The following GPR19 variants were observed in gnomAD, a reference collection of about 807,000 sequenced individuals.
GPR19 encodes the protein probable G protein-coupled receptor 19.
A neutral mutation model predicts 28.5 loss-of-function variants in GPR19; 14 were observed. The observed-to-expected ratio is 0.49, with a 90% CI of 0.32 to 0.77. The LOEUF (loss-of-function observed/expected upper bound fraction) is 0.77. Ranked by LOEUF, GPR19 falls within the 30% of genes least tolerant of loss-of-function variation. The pLI is 0.03. For missense variants in GPR19, 409 were observed against 504.1 expected, an observed-to-expected ratio of 0.81 and a Z score of 1.81; for synonymous variants, 173 against 184.1, an observed-to-expected ratio of 0.94 and a Z score of 0.49.
chr12:12,697,848 T>C (rs1311675419), upstream of GPR19, among the ~76,000 whole-genome samples: 3 of 152,120 alleles, frequency 2.0e-5, no homozygotes, highest in Non-Finnish European at 4.4e-5. Flanking sequence ...AAATGAGAAG[T>C]AACTTTAAAA....
intron 2 of GPR19, among the ~76,000 whole-genome samples, chr12:12,687,995 GT>G (rs1946119501): frequency 1.3e-5 from 2 of 152,178 alleles, no homozygotes; most frequent in South Asian, 4.1e-4. Flanking sequence ...AAAAATGCTA[GT>G]TAATAAATAC....
intron 3 of GPR19, among the ~76,000 whole-genome samples, chr12:12,669,458 G>A (rs917950368): frequency 1.3e-5 from 2 of 152,146 alleles, no homozygotes; most frequent in Admixed American, 6.5e-5. Flanking sequence ...GAAATACCAC[G>A]GTACGGAGAT....
chr12:12,708,246 A>G, the GPR19 span, among the ~76,000 whole-genome samples: 5 of 151,224 alleles, frequency 3.3e-5, no homozygotes, highest in African/African-American at 1.2e-4. Flanking sequence ...CCATCCTCCC[A>G]CCTCGGCCTA....
At chr12:12,711,925 T>C in the GPR19 span, among the ~76,000 whole-genome samples, 1 of 152,236 alleles carries the variant, frequency 6.6e-6, no homozygotes, top group Non-Finnish European at 1.5e-5. Flanking sequence ...AAATCCATTG[T>C]ATCTGTTGAT....
the GPR19 span, chr12:12,716,642 C>A: frequency 2.1e-5 from 9 of 424,750 alleles, no homozygotes; most frequent in South Asian, 9.9e-5. Context: ...GAGTTCCTTT[C>A]TTATTTTCAT....
At position 12,662,115 on chromosome 12, in the gene GPR19, G is replaced by A. The variant is rs201940789; in HGVS notation, c.334C>T (p.Leu112Phe). The A allele has an allele frequency of 1.9e-6, 3 of 1,614,160 alleles. No homozygotes were observed. The highest frequency in any genetic ancestry group is 2.2e-5 in the East Asian group (1 of 44,884). Residue 112 changes from leucine (L) to phenylalanine (F), a missense_variant, in exon 4 of 4, where the codon CTT (leucine) becomes TTT (phenylalanine). Leu to Phe is a conservative substitution (Grantham distance 22, BLOSUM62 0). Transcript: ENST00000651487. ...YFVVSMACAD[L>F]LISVASTPFV... is the part of the protein sequence containing the mutation. ...GGCGTGCTGGCAACGCTGATGAGAA[G>A]GTCAGCACATGCCATGGAGACCACA...
the GPR19 span, among the ~76,000 whole-genome samples, chr12:12,708,543 A>G: frequency 1.3e-5 from 2 of 152,218 alleles, no homozygotes; most frequent in Admixed American, 1.3e-4. Flanking sequence ...AAACCTATCC[A>G]GTCACTGCAT....
At chr12:12,716,044 G>T in the GPR19 span, among the ~76,000 whole-genome samples, 1 of 152,198 alleles carries the variant, frequency 6.6e-6, no homozygotes, top group Non-Finnish European at 1.5e-5. Flanking sequence ...CAAGATGATG[G>T]GTACCGGGCA....
chr12:12,702,707 C>T, the GPR19 span, among the ~76,000 whole-genome samples: 17 of 152,168 alleles, frequency 1.1e-4, no homozygotes, highest in Non-Finnish European at 1.8e-4. Context: ...AAATCTAAAA[C>T]ATCATAGTCA....
intron 3 of GPR19, among the ~76,000 whole-genome samples, chr12:12,678,227 C>G (rs1945964162): frequency 6.6e-6 from 1 of 151,834 alleles, no homozygotes; most frequent in South Asian, 2.1e-4. Flanking sequence ...TAATTCCAAC[C>G]CTTTAATCTC....
At chr12:12,703,264 C>T in the GPR19 span, 2 of 414,082 alleles carry the variant, frequency 4.8e-6, no homozygotes, top group Non-Finnish European at 6.5e-6. Flanking sequence ...GGATCTATTA[C>T]CTAATTTCAA....
intron 1 of GPR19, 50 bp from the exon 2 acceptor site, chr12:12,695,561 C>CAAAT (rs1946249230): frequency 1.3e-5 from 2 of 152,306 alleles, no homozygotes; most frequent in South Asian, 4.1e-4. Flanking sequence ...AGACAGTTCC[C>CAAAT]AAATTCCTGA....
upstream of GPR19, among the ~76,000 whole-genome samples, chr12:12,696,661 C>A (rs908612077): frequency 6.6e-6 from 1 of 152,242 alleles, no homozygotes; most frequent in Admixed American, 6.5e-5. Flanking sequence ...TGGCGGCTAC[C>A]CAGGTTACCG....
intron 3 of GPR19, 92 bp from the exon 4 acceptor site, chr12:12,662,562 T>A (rs1416050535): frequency 1.1e-6 from 1 of 936,810 alleles, no homozygotes; most frequent in African/African-American, 1.6e-5. Context: ...TATTTGACAT[T>A]TACATTGATT....
At position 12,678,305 on chromosome 12, in the gene GPR19, A is replaced by T. The variant is rs16908324; in HGVS notation, c.-23+6046T>A. On this transcript the variant is annotated intron_variant, in intron 3 of 3. Transcript: ENST00000651487. The stretch of plus-strand genomic sequence containing the variant: ...CCCTTAAATTTATTCCAATTAATTT[A>T]AAAAAACCAATGATTATTTATTAGT... Among the ~76,000 whole-genome samples, 771 of 150,626 alleles carry T rather than the reference A, an allele frequency of 5.1e-3. 5 individuals carry two copies. Among genetic ancestry groups the T allele is most frequent in the African/African-American group, 0.017 (694 of 41,242 alleles).
chr12:12,681,643 G>A (rs759816575), intron 3 of GPR19, among the ~76,000 whole-genome samples: 6 of 152,208 alleles, frequency 3.9e-5, no homozygotes, highest in Non-Finnish European at 7.3e-5. Flanking sequence ...TTCCGTCAGG[G>A]CTGTTGTCTG....
rs77818894 is a variant in GPR19, at chr12:12,695,901, G to A, written c.-233+164C>T. ...CACACTCACATCCTCTTGGTCACCA[G>A]CCAAAAAATAAATAAAACTCCTTTG... is the stretch of plus-strand genomic sequence containing the variant. On this transcript the variant is annotated intron_variant, in intron 1 of 3. Transcript: ENST00000651487. 2.0e-3 allele frequency among the ~76,000 whole-genome samples: 298 copies of A among 152,188 alleles called. 5 individuals carry two copies. The highest frequency in any genetic ancestry group is 0.014 in the East Asian group (70 of 5,180).
chr12:12,698,800 C>T (rs558249388), upstream of GPR19, among the ~76,000 whole-genome samples: 368 of 151,816 alleles, frequency 2.4e-3, 1 homozygote, highest in African/African-American at 8.5e-3. Flanking sequence ...TTAGTACAGA[C>T]GGGGTTTCAC....
intron 3 of GPR19, among the ~76,000 whole-genome samples, chr12:12,663,819 A>T (rs4763295): frequency 0.16 from 24,984 of 152,114 alleles, 2,630 homozygotes; most frequent in African/African-American, 0.29. Flanking sequence ...ACCATTTTGC[A>T]GAGATTCCAT....
Sources: gnomAD v4.1 joint callset for allele counts (sites outside exome capture counted in the v4.1 genomes callset) on GRCh38, gnomAD v4.1.1 for gene constraint, MANE v1.5 for transcripts, NCBI Gene and HGNC (gene_info 2026-07-23, HGNC 2026-07-21) for gene names.